The following FAT4 variants were observed in gnomAD, a reference collection of about 807,000 sequenced individuals.
The protein encoded by FAT4 is protocadherin Fat 4.
FAT4 carries 84 observed loss-of-function variants against 303.9 expected under a neutral mutation model. That is an observed-to-expected ratio of 0.28 (90% CI 0.23 to 0.33). The LOEUF is 0.33. Ranked by LOEUF, FAT4 falls within the 10% of genes least tolerant of loss-of-function variation. The pLI is 1.00. For synonymous variants in FAT4, 2,307 were observed against 2,298.8 expected, an observed-to-expected ratio of 1.00 and a Z score of -0.10; for missense variants, 6,005 against 6,146.8, an observed-to-expected ratio of 0.98 and a Z score of 0.77.
rs1344299663 is a variant in FAT4 at position 125,319,861 on chromosome 4, C to T, written c.3450C>T (p.Ala1150=). Residue 1150 remains alanine, a synonymous_variant, in exon 2 of 18, where the codon GCC becomes GCT. Transcript: ENST00000394329. ...TGCAGCCAGATTTTGAGTTGCATGC[C>T]ATCAGTGGGGAAATTACAAATACTC... ...EMVQPDFELH[A]ISGEITNTHQ... 2.5e-6 allele frequency: 4 copies of T among 1,614,076 alleles called. No individual in the cohort carries two copies. Among genetic ancestry groups the T allele is most frequent in the Middle Eastern group, 1.6e-4 (1 of 6,062 alleles).
Position 125,406,863 on chromosome 4 carries a change from T to C in FAT4, c.5308-17T>C. The C allele has an allele frequency of 6.2e-7, 1 of 1,610,426 alleles. No individual in the cohort carries two copies. The highest frequency in any genetic ancestry group is 8.5e-7 in the Non-Finnish European group (1 of 1,177,766). On this transcript the variant is annotated splice_polypyrimidine_tract_variant and intron_variant, in intron 3 of 17. Coordinates refer to ENST00000394329, the MANE Select transcript of FAT4 (RefSeq NM_001291303.3). The stretch of plus-strand genomic sequence containing the variant: ...TTTCTACTTCCAATAGCTCAGATGC[T>C]TGGTCTCTTTTTTTAGGGTGCAAAT...
At chr4:125,396,688 G>T (rs1166752579) in intron 2 of FAT4, among the ~76,000 whole-genome samples, 1 of 151,944 alleles carries the variant, frequency 6.6e-6, no homozygotes, top group Non-Finnish European at 1.5e-5. Flanking sequence ...AGGGTGGCTT[G>T]TTGCTTTCCC....
chr4:125,405,198 C>G (rs1165600357), intron 3 of FAT4, among the ~76,000 whole-genome samples: 3 of 151,872 alleles, frequency 2.0e-5, no homozygotes, highest in South Asian at 4.1e-4. Context: ...CTTTTTTTAT[C>G]TATTCGTTTG....
chr4:125,365,220 G>C (rs990667720), intron 2 of FAT4, among the ~76,000 whole-genome samples: 1 of 152,122 alleles, frequency 6.6e-6, no homozygotes, highest in African/African-American at 2.4e-5. Context: ...TTAAATGTGA[G>C]GTCACTCTGA....
chr4:125,367,115 T>G (rs1732915920), intron 2 of FAT4, among the ~76,000 whole-genome samples: 1 of 152,038 alleles, frequency 6.6e-6, no homozygotes, highest in African/African-American at 2.4e-5. Context: ...AGTTAGAATA[T>G]AAATAAACCA....
intron 2 of FAT4, among the ~76,000 whole-genome samples, chr4:125,321,839 G>A (rs191054887): frequency 5.9e-5 from 9 of 152,224 alleles, no homozygotes; most frequent in Admixed American, 1.3e-4. Context: ...ATAAGGTTAA[G>A]GAGAAATCTT....
chr4:125,476,317 T>A, intron 13 of FAT4, 61 bp downstream of exon 13: 1 of 879,184 alleles, frequency 1.1e-6, no homozygotes, highest in Non-Finnish European at 1.7e-6. Flanking sequence ...ATAAACTTTA[T>A]ACCTAAAAAT....
At chr4:125,414,784 G>A (rs1420021147) in intron 5 of FAT4, 100 bp from the exon 6 acceptor site, 13 of 720,334 alleles carry the variant, frequency 1.8e-5, no homozygotes, top group South Asian at 5.5e-5. Flanking sequence ...TTGGATGCAC[G>A]GCATATCAAA....
intron 10 of FAT4, among the ~76,000 whole-genome samples, chr4:125,456,199 G>T (rs1726271093): frequency 6.6e-6 from 1 of 152,176 alleles, no homozygotes; most frequent in Non-Finnish European, 1.5e-5. Flanking sequence ...GTCAGCAGAT[G>T]ATATGTGGCT....
At chr4:125,408,381 A>G in intron 4 of FAT4, 63 bp from the exon 5 acceptor site, 5 of 1,093,740 alleles carry the variant, frequency 4.6e-6, no homozygotes, top group Non-Finnish European at 3.9e-6. Context: ...CTCTTTCTAT[A>G]TGTTCTCTTA....
intron 10 of FAT4, among the ~76,000 whole-genome samples, chr4:125,456,363 A>G (rs1726276764): frequency 6.6e-6 from 1 of 152,202 alleles, no homozygotes; most frequent in Non-Finnish European, 1.5e-5. Context: ...ACTTCTCCTC[A>G]GAGTTCACTT....
intron 2 of FAT4, among the ~76,000 whole-genome samples, chr4:125,344,662 A>G (rs1731929211): frequency 6.6e-6 from 1 of 152,152 alleles, no homozygotes; most frequent in African/African-American, 2.4e-5. Context: ...CCTTCTCATC[A>G]TTCACTGTTT....
intron 7 of FAT4, among the ~76,000 whole-genome samples, chr4:125,417,237 GC>G (rs1389441680): frequency 1.3e-5 from 2 of 152,062 alleles, no homozygotes; most frequent in Non-Finnish European, 2.9e-5. Context: ...TGAGCTAGGG[GC>G]ATTTAAAGTA....
At chr4:125,378,111 C>G (rs1733401834) in intron 2 of FAT4, among the ~76,000 whole-genome samples, 1 of 152,016 alleles carries the variant, frequency 6.6e-6, no homozygotes, top group Non-Finnish European at 1.5e-5. Flanking sequence ...CAATCCTGCT[C>G]CAGATTAACA....
chr4:125,365,090 T>C (rs1218230262), intron 2 of FAT4, among the ~76,000 whole-genome samples: 1 of 152,084 alleles, frequency 6.6e-6, no homozygotes, highest in Non-Finnish European at 1.5e-5. Flanking sequence ...ATGTGGAAGA[T>C]GATGGAAGAA....
rs1352748352 is a variant in FAT4, at chr4:125,320,534, G to T, written c.4123G>T (p.Ala1375Ser). The T allele has an allele frequency of 1.2e-6, 2 of 1,613,792 alleles. No homozygotes were observed. Among genetic ancestry groups the T allele is most frequent in the South Asian group, 1.1e-5 (1 of 91,052 alleles). Residue 1375 changes from alanine (A) to serine (S), a missense_variant, in exon 2 of 18, where the codon GCC (alanine) becomes TCC (serine). Transcript: ENST00000394329. ...CCCAAACACTGGGAGTATTTTTCTT[G>T]CCAAAAAACTGGACTTTGAAACACA... Reference protein sequence around the residue: ...ISPNTGSIFLAKKLDFETQSL... With the variant: ...ISPNTGSIFLSKKLDFETQSL...
chr4:125,335,745 A>G (rs531203732), intron 2 of FAT4, among the ~76,000 whole-genome samples: 1 of 152,038 alleles, frequency 6.6e-6, no homozygotes, highest in Non-Finnish European at 1.5e-5. Flanking sequence ...TAAAATAAAT[A>G]TATATTTGAA....
intron 8 of FAT4, among the ~76,000 whole-genome samples, chr4:125,436,838 G>A (rs1031601320): frequency 1.3e-5 from 2 of 151,950 alleles, no homozygotes. Flanking sequence ...GACACATGGG[G>A]ATTATTTTTA....
At chr4:125,477,375 T>A (rs1379422881) in intron 14 of FAT4, 41 bp downstream of exon 14, 5 of 1,486,436 alleles carry the variant, frequency 3.4e-6, no homozygotes, top group Admixed American at 4.0e-5. Context: ...AGAAAAAAAA[T>A]GCAAAAAAGT....
Sources: gnomAD v4.1 joint callset for allele counts (sites outside exome capture counted in the v4.1 genomes callset) on GRCh38, gnomAD v4.1.1 for gene constraint, MANE v1.5 for transcripts, NCBI Gene and HGNC (gene_info 2026-07-23, HGNC 2026-07-21) for gene names.